Variants in ZNF221 observed in about 807,000 individuals in gnomAD.
The protein encoded by ZNF221 is zinc finger protein 221.
A neutral mutation model predicts 12.6 loss-of-function variants in ZNF221; 10 were observed. That is an observed-to-expected ratio of 0.79 (90% CI 0.49 to 1.34). The LOEUF is 1.34. Ranked by LOEUF, ZNF221 falls within the 40% of genes most tolerant of loss-of-function variation. ZNF221 has a pLI of 0.00. For missense variants in ZNF221, 661 were observed against 721.4 expected, an observed-to-expected ratio of 0.92 and a Z score of 0.96; for synonymous variants, 232 against 244.0, an observed-to-expected ratio of 0.95 and a Z score of 0.46.
At position 43,962,793 on chromosome 19, in the gene ZNF221, A is replaced by T; in HGVS notation, c.67A>T (p.Met23Leu). ...CAAATTCCCTGAAGTAGAAGGAAAA[A>T]TGACCACATTCAAAGTGAGTAGGGC... is the stretch of plus-strand genomic sequence containing the variant. ...LCKFPEVEGK[M>L]TTFKEAVTFK... is the part of the protein sequence containing the mutation. The change falls in exon 2 of 5, where the codon ATG becomes TTG. Residue 23 changes from methionine to leucine, a missense_variant. Transcript: ENST00000587682. The T allele has an allele frequency of 6.2e-7, 1 of 1,613,830 alleles. No homozygotes were observed. The highest frequency in any genetic ancestry group is 8.5e-7 in the Non-Finnish European group (1 of 1,179,834).
downstream of ZNF221, among the ~76,000 whole-genome samples, chr19:43,970,525 A>G (rs750053565): frequency 6.6e-6 from 1 of 152,186 alleles, no homozygotes; most frequent in African/African-American, 2.4e-5. Context: ...ATGATAAAAC[A>G]ATACAGGAGC....
intron 4 of ZNF221, 127 bp downstream of exon 4, chr19:43,965,452 C>A (rs1289321899): frequency 5.3e-6 from 4 of 749,330 alleles, no homozygotes; most frequent in African/African-American, 3.6e-5. Context: ...CAACTGCCTT[C>A]CTTCTTTAAA....
downstream of ZNF221, among the ~76,000 whole-genome samples, chr19:43,969,113 C>A (rs1017242318): frequency 6.6e-6 from 1 of 152,178 alleles, no homozygotes; most frequent in East Asian, 1.9e-4. Context: ...TGGCACCTTA[C>A]AAAACCCACT....
At chr19:43,961,285 T>G (rs1207363037) in intron 1 of ZNF221, among the ~76,000 whole-genome samples, 2 of 152,198 alleles carry the variant, frequency 1.3e-5, no homozygotes, top group Admixed American at 1.3e-4. Flanking sequence ...ATTATTTACA[T>G]TTTGTATTTT....
At chr19:43,972,248 T>G (rs1975112890), downstream of ZNF221, among the ~76,000 whole-genome samples, 1 of 152,090 alleles carries the variant, frequency 6.6e-6, no homozygotes, top group Non-Finnish European at 1.5e-5. Flanking sequence ...AAAGACACAA[T>G]GTACCAGAAT....
In ZNF221 at chr19:43,953,170, C is replaced by T. The variant is rs561041802; in HGVS notation, c.-3+1770C>T. On this transcript the variant is annotated intron_variant, in intron 1 of 4. Coordinates refer to ENST00000587682, the MANE Select transcript of ZNF221 (RefSeq NM_001297588.2). ...TTCACCGTGTTGGCCAGGCTAGTCTCGAACTCCTGACCTTAGGTGATCTGC... is the reference window on the plus strand; with the variant it reads ...TTCACCGTGTTGGCCAGGCTAGTCTTGAACTCCTGACCTTAGGTGATCTGC... Among the ~76,000 whole-genome samples the T allele has an allele frequency of 2.6e-5, 4 of 151,940 alleles. No homozygotes were observed. In the South Asian group the frequency reaches 8.3e-4, roughly 32 times the overall value.
At chr19:43,973,315 AT>A in the ZNF221 span, among the ~76,000 whole-genome samples, 34 of 152,278 alleles carry the variant, frequency 2.2e-4, no homozygotes, top group African/African-American at 7.9e-4. Flanking sequence ...AAAAGTTGTA[AT>A]CATTCCCCTT....
the ZNF221 span, among the ~76,000 whole-genome samples, chr19:43,980,770 C>G: frequency 6.6e-6 from 1 of 152,236 alleles, no homozygotes; most frequent in South Asian, 2.1e-4. Flanking sequence ...ACCACTGGGG[C>G]TATTGTATGC....
In ZNF221 at chr19:43,967,293, G is replaced by A; in HGVS notation, c.1791G>A (p.Glu597=). Residue 597 remains glutamate, a synonymous_variant, in exon 5 of 5, where the codon GAG becomes GAA. Coordinates refer to ENST00000587682, the MANE Select transcript of ZNF221 (RefSeq NM_001297588.2). ...EKPLKSGVWE[E]IYSEFTASFT... is the part of the protein sequence containing the mutation. ...CATTGAAATCTGGAGTGTGGGAAGA[G>A]ATCTACTCAGAATTCACAGCTTCAT... The A allele has an allele frequency of 6.2e-7, 1 of 1,613,934 alleles. No individual in the cohort carries two copies. Among genetic ancestry groups the A allele is most frequent in the Non-Finnish European group, 8.5e-7 (1 of 1,179,974 alleles).
At chr19:43,980,793 A>G in the ZNF221 span, among the ~76,000 whole-genome samples, 1 of 152,128 alleles carries the variant, frequency 6.6e-6, no homozygotes, top group Admixed American at 6.6e-5. Flanking sequence ...CTTATTCCTC[A>G]TTGAGGCGTG....
chr19:43,953,585 C>T (rs1188591045), intron 1 of ZNF221, among the ~76,000 whole-genome samples: 3 of 152,152 alleles, frequency 2.0e-5, no homozygotes, highest in Non-Finnish European at 4.4e-5. Flanking sequence ...TCTAACCATG[C>T]ATTGGTCTTT....
intron 1 of ZNF221, among the ~76,000 whole-genome samples, chr19:43,957,036 C>T (rs1394973326): frequency 6.6e-6 from 1 of 152,116 alleles, no homozygotes; most frequent in African/African-American, 2.4e-5. Context: ...TCAGCTTTTG[C>T]CTTATTTGAT....
intron 1 of ZNF221, among the ~76,000 whole-genome samples, chr19:43,959,942 C>T (rs1308069724): frequency 1.3e-5 from 2 of 150,942 alleles, no homozygotes; most frequent in African/African-American, 4.9e-5. Flanking sequence ...TTGGAGGGCT[C>T]AGAAGAAGAT....
At chr19:43,952,655 C>T (rs1451529357) in intron 1 of ZNF221, among the ~76,000 whole-genome samples, 1 of 152,096 alleles carries the variant, frequency 6.6e-6, no homozygotes, top group East Asian at 1.9e-4. Context: ...AGGTCAGAGC[C>T]CAAGCTGATA....
At position 43,965,299 on chromosome 19, in the gene ZNF221, C is replaced by A. The variant is rs989768896; in HGVS notation, c.275C>A (p.Thr92Lys). The A allele has an allele frequency of 1.9e-6, 3 of 1,613,072 alleles. No individual in the cohort carries two copies. The highest frequency in any genetic ancestry group is 2.7e-5 in the African/African-American group (2 of 74,572). The change falls in exon 4 of 5, where the codon ACA becomes AAA. Residue 92 changes from threonine to lysine, a missense_variant. Coordinates refer to ENST00000587682, the MANE Select transcript of ZNF221 (RefSeq NM_001297588.2). ...AAGGAAAAGTTTTGGAAGATGAAGA[C>A]AACAAGCCAAAGAGAAGGGAATTCA... ...LGKEKFWKMKTTSQREGNSGG... is the reference protein window; with the variant it reads ...LGKEKFWKMKKTSQREGNSGG...
At chr19:43,960,059 A>T (rs1488251958) in intron 1 of ZNF221, 1 of 152,080 alleles carries the variant, frequency 6.6e-6, no homozygotes, top group Non-Finnish European at 1.5e-5. Flanking sequence ...TGCTGGTGGG[A>T]ATATGGACAA....
chr19:43,973,543 C>T, the ZNF221 span, among the ~76,000 whole-genome samples: 1 of 152,340 alleles, frequency 6.6e-6, no homozygotes, highest in East Asian at 1.9e-4. Context: ...TGATAAGCAA[C>T]TTCAGCAATG....
downstream of ZNF221, among the ~76,000 whole-genome samples, chr19:43,971,640 A>G (rs957471192): frequency 1.7e-4 from 2 of 12,080 alleles, no homozygotes; most frequent in African/African-American, 2.2e-4. Flanking sequence ...TTAAACCAAC[A>G]AAGATAAAAA....
chr19:43,972,934 G>A, the ZNF221 span, among the ~76,000 whole-genome samples: 2 of 152,056 alleles, frequency 1.3e-5, no homozygotes, highest in Admixed American at 1.3e-4. Context: ...CCAAAATCTG[G>A]CAGAGATAAA....
Sources: allele counts gnomAD v4.1 joint callset (sites outside exome capture counted in the v4.1 genomes callset), GRCh38; gene constraint gnomAD v4.1.1; transcripts MANE v1.5; gene names NCBI Gene and HGNC (gene_info 2026-07-23, HGNC 2026-07-21).